The following DOCK5 variants were observed in gnomAD, a reference collection of about 807,000 sequenced individuals.
DOCK5 encodes the protein dedicator of cytokinesis 5.
DOCK5 carries 142 observed loss-of-function variants against 251.8 expected under a neutral mutation model. The ratio of observed to expected loss-of-function variants is 0.56; its 90% confidence interval spans 0.49 to 0.65. The LOEUF (loss-of-function observed/expected upper bound fraction) is 0.65. Ranked by LOEUF, DOCK5 falls within the 30% of genes least tolerant of loss-of-function variation. DOCK5 has a pLI of 0.00. For synonymous variants in DOCK5, 842 were observed against 835.5 expected (o/e 1.01, Z -0.13); for missense variants, 2,111 against 2,312.3 (o/e 0.91, Z 1.79).
At chr8:25,305,134 G>A (rs567376674) in intron 11 of DOCK5, 1 of 152,350 alleles carries the variant, frequency 6.6e-6, no homozygotes, top group Non-Finnish European at 1.5e-5. Flanking sequence ...GGGCCATCGT[G>A]CCAGTCAGAG....
intron 1 of DOCK5, among the ~76,000 whole-genome samples, chr8:25,190,613 A>G (rs1296139150): frequency 6.6e-6 from 1 of 152,044 alleles, no homozygotes; most frequent in Non-Finnish European, 1.5e-5. Context: ...CTCTGGATTT[A>G]ACAGATTAAG....
intron 1 of DOCK5, among the ~76,000 whole-genome samples, chr8:25,207,522 A>G (rs1240060121): frequency 1.3e-5 from 2 of 152,218 alleles, no homozygotes; most frequent in Non-Finnish European, 1.5e-5. Context: ...ACCATTCTGA[A>G]AAATCTGAGG....
chr8:25,381,331 T>G (rs1441983674), intron 39 of DOCK5, among the ~76,000 whole-genome samples: 1 of 152,136 alleles, frequency 6.6e-6, no homozygotes, highest in African/African-American at 2.4e-5. Context: ...GACTTATTAA[T>G]TTCATCAACT....
intron 1 of DOCK5, among the ~76,000 whole-genome samples, chr8:25,205,463 A>G (rs750845181): frequency 6.6e-6 from 1 of 152,210 alleles, no homozygotes; most frequent in Admixed American, 6.5e-5. Flanking sequence ...GTATTTTGTT[A>G]TGGCAGCCTA....
At chr8:25,281,439 CAAAA>C (rs35716928) in intron 5 of DOCK5, among the ~76,000 whole-genome samples, 4 of 135,682 alleles carry the variant, frequency 2.9e-5, no homozygotes, top group Non-Finnish European at 1.6e-5. Context: ...AACTCCGTCT[CAAAA>C]AAAAAAAAAA....
At chr8:25,308,596 C>A in intron 11 of DOCK5, 187 bp from the exon 12 acceptor site, 1 of 715,238 alleles carries the variant, frequency 1.4e-6, no homozygotes, top group Non-Finnish European at 2.1e-6. Flanking sequence ...TGCCTCAAGT[C>A]ATTTCCAAGG....
At chr8:25,250,009 G>A (rs1803226257) in intron 2 of DOCK5, among the ~76,000 whole-genome samples, 1 of 152,218 alleles carries the variant, frequency 6.6e-6, no homozygotes, top group Non-Finnish European at 1.5e-5. Flanking sequence ...CAGCTACTGT[G>A]AATAATACTG....
chr8:25,217,375 A>G (rs952625568), intron 1 of DOCK5, among the ~76,000 whole-genome samples: 1 of 152,042 alleles, frequency 6.6e-6, no homozygotes. Context: ...CACCTTAGTA[A>G]TGAACAACTT....
At chr8:25,201,132 C>T (rs1421061655) in intron 1 of DOCK5, among the ~76,000 whole-genome samples, 1 of 152,198 alleles carries the variant, frequency 6.6e-6, no homozygotes, top group Non-Finnish European at 1.5e-5. Flanking sequence ...GTCTCAAACT[C>T]CTGACCTCAG....
chr8:25,357,587 A>G (rs2321235), intron 27 of DOCK5, among the ~76,000 whole-genome samples: 59,614 of 151,100 alleles, frequency 0.39, 11,797 homozygotes, highest in Admixed American at 0.46. Flanking sequence ...CATGTTGGCC[A>G]GACTGGTCTC....
chr8:25,262,127 T>C (rs989824751), intron 2 of DOCK5, among the ~76,000 whole-genome samples: 1 of 152,162 alleles, frequency 6.6e-6, no homozygotes, highest in Non-Finnish European at 1.5e-5. Context: ...TGTGGCCAGG[T>C]CATAGGATAA....
At chr8:25,341,013 A>G (rs770068228) in intron 23 of DOCK5, 25 bp downstream of exon 23, 32 of 1,572,068 alleles carry the variant, frequency 2.0e-5, no homozygotes, top group Non-Finnish European at 2.6e-5. Context: ...ATCATGGGTA[A>G]CTCTTCTTAG....
intron 28 of DOCK5, among the ~76,000 whole-genome samples, chr8:25,362,124 T>C (rs182225291): frequency 1.3e-5 from 2 of 152,300 alleles, no homozygotes; most frequent in East Asian, 3.9e-4. Context: ...ACTGTTACGA[T>C]CCATTTTGAA....
At chr8:25,354,053 CAA>C (rs869141192) in intron 27 of DOCK5, among the ~76,000 whole-genome samples, 35 of 23,888 alleles carry the variant, frequency 1.5e-3, no homozygotes, top group African/African-American at 5.3e-3. Flanking sequence ...AAAAAACAAA[CAA>C]AAAAAAAAAC....
intron 48 of DOCK5, among the ~76,000 whole-genome samples, chr8:25,404,937 GTA>G (rs1188498260): frequency 1.3e-5 from 2 of 151,944 alleles, no homozygotes; most frequent in African/African-American, 2.4e-5. Flanking sequence ...ATATTTTCTT[GTA>G]TACTTTTTGT....
At chr8:25,244,663 T>C (rs1803048612) in intron 2 of DOCK5, among the ~76,000 whole-genome samples, 1 of 152,066 alleles carries the variant, frequency 6.6e-6, no homozygotes, top group African/African-American at 2.4e-5. Flanking sequence ...TGCAGGTTCC[T>C]AGGGTGGGAT....
At chr8:25,193,381 C>CTTTTTTTTT (rs201838354) in intron 1 of DOCK5, among the ~76,000 whole-genome samples, 1 of 142,850 alleles carries the variant, frequency 7.0e-6, no homozygotes, top group African/African-American at 2.6e-5. Context: ...CACATTACAG[C>CTTTTTTTTT]TTTTTTTTTT....
chr8:25,348,242 C>T (rs368886507), intron 26 of DOCK5, among the ~76,000 whole-genome samples: 9 of 152,150 alleles, frequency 5.9e-5, no homozygotes, highest in African/African-American at 2.2e-4. Context: ...CTCCTCTCCC[C>T]ACAGCTCTGT....
chr8:25,372,852 T>G (rs1296899702), intron 35 of DOCK5, 134 bp downstream of exon 35: 3 of 821,396 alleles, frequency 3.7e-6, no homozygotes, highest in Non-Finnish European at 3.7e-6. Flanking sequence ...TCTTCCTAAG[T>G]CTAATTGGAA....
Sources: allele counts gnomAD v4.1 joint callset (sites outside exome capture counted in the v4.1 genomes callset), GRCh38; gene constraint gnomAD v4.1.1; transcripts MANE v1.5; gene names NCBI Gene and HGNC (gene_info 2026-07-23, HGNC 2026-07-21).